Variants in PATJ observed in about 807,000 individuals in gnomAD.
PATJ encodes the protein PATJ crumbs cell polarity complex component, also known as inaD-like protein.
A neutral mutation model predicts 224.9 loss-of-function variants in PATJ; 190 were observed. The ratio of observed to expected loss-of-function variants is 0.84; its 90% confidence interval spans 0.75 to 0.95. The LOEUF is 0.95. PATJ is among the 40% of genes least tolerant of loss of function. PATJ has a pLI of 0.00. For missense variants in PATJ, 2,121 were observed against 2,270.3 expected, an observed-to-expected ratio of 0.93 and a Z score of 1.34; for synonymous variants, 769 against 820.3, an observed-to-expected ratio of 0.94 and a Z score of 1.07.
chr1:61,994,394 A>T (rs760949415), intron 28 of PATJ, among the ~76,000 whole-genome samples: 24 of 151,876 alleles, frequency 1.6e-4, no homozygotes, highest in Non-Finnish European at 2.5e-4. Flanking sequence ...TTTATTCATA[A>T]TTTTTTTTCA....
intron 36 of PATJ, 114 bp downstream of exon 36, chr1:62,116,793 C>A: frequency 1.0e-6 from 1 of 981,610 alleles, no homozygotes. Flanking sequence ...CTAGTTTTTA[C>A]TAGAAATTTA....
At chr1:61,836,783 G>A (rs566042956) in intron 17 of PATJ, among the ~76,000 whole-genome samples, 15 of 152,334 alleles carry the variant, frequency 9.8e-5, no homozygotes, top group African/African-American at 2.9e-4. Context: ...GAAAGGCCAC[G>A]TCCCTGGCTA....
At chr1:61,938,804 AT>A (rs869204245) in intron 27 of PATJ, among the ~76,000 whole-genome samples, 10 of 152,008 alleles carry the variant, frequency 6.6e-5, no homozygotes, top group South Asian at 2.1e-4. Flanking sequence ...GCATAAAAAA[AT>A]TTTTTTTTCT....
At chr1:61,790,178 T>C (rs574503067) in intron 8 of PATJ, among the ~76,000 whole-genome samples, 8 of 136,994 alleles carry the variant, frequency 5.8e-5, no homozygotes, top group Middle Eastern at 3.9e-3. Context: ...CACTCCTACC[T>C]GGGTGACAGA....
chr1:61,863,038 T>C (rs929970769), intron 19 of PATJ, among the ~76,000 whole-genome samples: 1 of 142,594 alleles, frequency 7.0e-6, no homozygotes, highest in Non-Finnish European at 1.5e-5. Context: ...TTTTTTTTTT[T>C]TTTTTTTTTT....
intron 27 of PATJ, among the ~76,000 whole-genome samples, chr1:61,970,616 CCA>C (rs1682834835): frequency 6.6e-6 from 1 of 152,150 alleles, no homozygotes. Flanking sequence ...CCTCTGCCTC[CCA>C]AGTAGCTAGG....
chr1:61,940,140 A>T (rs1214793997), intron 27 of PATJ, among the ~76,000 whole-genome samples: 1 of 152,098 alleles, frequency 6.6e-6, no homozygotes, highest in Admixed American at 6.6e-5. Context: ...TTAATACATC[A>T]TTTACTTTGA....
intron 28 of PATJ, among the ~76,000 whole-genome samples, chr1:62,008,023 AG>A (rs1646197986): frequency 6.6e-6 from 1 of 152,228 alleles, no homozygotes; most frequent in South Asian, 2.1e-4. Context: ...GGGATGCACC[AG>A]GGCTTTGGGA....
At chr1:61,766,608 A>G (rs1570355175) in intron 4 of PATJ, 135 bp downstream of exon 4, 3 of 546,632 alleles carry the variant, frequency 5.5e-6, no homozygotes, top group Non-Finnish European at 6.0e-6. Flanking sequence ...TTATATTGTT[A>G]GGAGAAACTG....
At chr1:62,124,368 C>T (rs1209744191) in intron 39 of PATJ, among the ~76,000 whole-genome samples, 1 of 152,146 alleles carries the variant, frequency 6.6e-6, no homozygotes, top group Non-Finnish European at 1.5e-5. Flanking sequence ...CAGGCATGAG[C>T]CACCAGGCCC....
rs1650730900 is a variant in PATJ, at chr1:61,794,928, G to A, written c.1169-539G>A. On this transcript the variant is annotated intron_variant, in intron 9 of 43. Coordinates refer to ENST00000642238, the MANE Select transcript of PATJ (RefSeq NM_001350145.3). ...ACTCTGAAAGTGGAGGTTGCAGTGA[G>A]CTGAGATCGTGCCATTGCACTCCAG... is the stretch of plus-strand genomic sequence containing the variant. Among the ~76,000 whole-genome samples the A allele has an allele frequency of 2.0e-5, 3 of 152,034 alleles. No individual in the cohort carries two copies. In the South Asian group the frequency reaches 6.2e-4, roughly 32 times the overall value.
intron 28 of PATJ, among the ~76,000 whole-genome samples, chr1:62,005,120 C>G (rs766473629): frequency 6.6e-6 from 1 of 151,536 alleles, no homozygotes; most frequent in Admixed American, 6.6e-5. Flanking sequence ...AGAGGGATGA[C>G]TGGGTTTTTA....
chr1:61,801,495 A>G, intron 11 of PATJ, 128 bp from the exon 12 acceptor site: 3 of 500,650 alleles, frequency 6.0e-6, no homozygotes, highest in Non-Finnish European at 1.0e-5. Context: ...CTCAGATTTA[A>G]TAAGGTTGTG....
intron 22 of PATJ, among the ~76,000 whole-genome samples, chr1:61,884,779 G>A (rs1273706137): frequency 6.6e-6 from 1 of 152,132 alleles, no homozygotes; most frequent in Non-Finnish European, 1.5e-5. Flanking sequence ...GTAAAAGGGG[G>A]TAGTTGAGGA....
intron 27 of PATJ, among the ~76,000 whole-genome samples, chr1:61,946,036 A>G (rs1678649150): frequency 6.6e-6 from 1 of 152,260 alleles, no homozygotes; most frequent in Admixed American, 6.5e-5. Flanking sequence ...AAGACGCAAC[A>G]TACCAGAATC....
Position 62,161,988 on chromosome 1 carries a change from A to G in PATJ, c.*934A>G, listed in dbSNP as rs770399209. The G allele has an allele frequency of 1.3e-5, 2 of 152,186 alleles. No homozygotes were observed. Among genetic ancestry groups the G allele is most frequent in the Admixed American group, 6.5e-5 (1 of 15,272 alleles). 9.4% of individuals were successfully genotyped at this position (152,186 alleles called of 1,614,324 possible). Reference sequence around the variant, plus strand: ...AATTCATTTCTCTGGATAGATCTTTATATGCTAGTCATTGGTGATTTTGAT... The same window carrying G: ...AATTCATTTCTCTGGATAGATCTTTGTATGCTAGTCATTGGTGATTTTGAT... On this transcript the variant is annotated 3_prime_UTR_variant, in exon 44 of 44. Transcript: ENST00000642238.
intron 30 of PATJ, among the ~76,000 whole-genome samples, chr1:62,049,284 GTA>G (rs1161935474): frequency 2.1e-5 from 2 of 95,698 alleles, no homozygotes; most frequent in African/African-American, 8.7e-5. Flanking sequence ...CACACACAGA[GTA>G]TTTTTTTTTC....
At chr1:61,803,203 C>A (rs1652891777) in intron 12 of PATJ, among the ~76,000 whole-genome samples, 1 of 152,042 alleles carries the variant, frequency 6.6e-6, no homozygotes, top group Non-Finnish European at 1.5e-5. Context: ...CTAGGGATAA[C>A]AATACTCCTC....
Position 62,160,954 on chromosome 1 carries a change from T to C in PATJ, c.5549T>C (p.Leu1850Ser), listed in dbSNP as rs1349672926. ...CGATTAAAACGAGGGGATCAGATTT[T>C]AGCTGTTAATGGCGAGACCCTGGAA... ...DGRLKRGDQI[L>S]AVNGETLEGV... is the part of the protein sequence containing the mutation. The change falls in exon 44 of 44, where the codon TTA (leucine) becomes TCA (serine). Residue 1850 changes from leucine (L) to serine (S), a missense_variant. Transcript: ENST00000642238. 2 of 1,614,062 alleles carry C rather than the reference T, an allele frequency of 1.2e-6. No homozygotes were observed. The highest frequency in any genetic ancestry group is 1.7e-6 in the Non-Finnish European group (2 of 1,180,000).
Sources: allele counts gnomAD v4.1 joint callset (sites outside exome capture counted in the v4.1 genomes callset), GRCh38; gene constraint gnomAD v4.1.1; transcripts MANE v1.5; gene names NCBI Gene and HGNC (gene_info 2026-07-23, HGNC 2026-07-21).